PARP8: variants seen among roughly 807,000 people sequenced by gnomAD.
PARP8 encodes protein mono-ADP-ribosyltransferase PARP8.
PARP8 carries 51 observed loss-of-function variants against 124.1 expected under a neutral mutation model. The ratio of observed to expected loss-of-function variants is 0.41; its 90% CI spans 0.33 to 0.52. PARP8 has a LOEUF of 0.52. Ranked by LOEUF, PARP8 falls within the 20% of genes least tolerant of loss-of-function variation. PARP8 has a pLI of 0.21. For missense variants in PARP8, 860 were observed against 1,018.9 expected (o/e 0.84, Z 2.12); for synonymous variants, 391 against 361.5 (o/e 1.08, Z -0.93).
chr5:50,772,464 A>T (rs1761722045), intron 7 of PARP8, among the ~76,000 whole-genome samples: 2 of 152,096 alleles, frequency 1.3e-5, no homozygotes, highest in Admixed American at 1.3e-4. Flanking sequence ...TTACATTCCC[A>T]CCAGCAGTGC....
rs73101093 is a variant in PARP8 at position 50,780,905 on chromosome 5, G to A, written c.670+2255G>A. Among the ~76,000 whole-genome samples, 1,021 of 125,764 alleles carry A rather than the reference G, an allele frequency of 8.1e-3. 17 individuals carry two copies. Among genetic ancestry groups the A allele is most frequent in the African/African-American group, 0.03 (980 of 32,816 alleles). 82.5% of individuals were successfully genotyped at this position (125,764 alleles called of 152,430 possible). A position where few individuals can be genotyped will look rare whatever the true frequency, so the allele number is the denominator to read the frequency against. On this transcript the variant is annotated intron_variant, in intron 9 of 25. Transcript: ENST00000281631. ...GCAAGGAATCTGTTTTGATTTGTTTGTGTTTTGTTGTGTACTTTTTGGACT... is the reference window on the plus strand; with the variant it reads ...GCAAGGAATCTGTTTTGATTTGTTTATGTTTTGTTGTGTACTTTTTGGACT...
intron 25 of PARP8, among the ~76,000 whole-genome samples, chr5:50,840,535 T>G (rs1289085393): frequency 2.0e-5 from 3 of 152,002 alleles, no homozygotes; most frequent in Non-Finnish European, 4.4e-5. Context: ...TTGAATATAC[T>G]GAATTTGTGT....
At chr5:50,793,996 T>C (rs1397714657) in intron 10 of PARP8, among the ~76,000 whole-genome samples, 1 of 152,170 alleles carries the variant, frequency 6.6e-6, no homozygotes, top group Non-Finnish European at 1.5e-5. Context: ...TATCATTTAC[T>C]GTGATATAAC....
chr5:50,832,475 A>G lies in PARP8; in HGVS notation c.2234-306A>G, dbSNP rs145816417. On this transcript the variant is annotated intron_variant, in intron 22 of 25. Transcript: ENST00000281631. ...TATTTTCTCCTTCTCCTAGCCAGAT[A>G]GTGGGAATGAAAGTTAGGTTCTAAA... Among the ~76,000 whole-genome samples, 76 of 152,302 alleles carry G rather than the reference A, an allele frequency of 5.0e-4. No homozygotes were observed. In the East Asian group the frequency reaches 0.014, roughly 29 times the overall value.
At chr5:50,831,215 A>C (rs1161870041) in intron 22 of PARP8, among the ~76,000 whole-genome samples, 1 of 152,236 alleles carries the variant, frequency 6.6e-6, no homozygotes, top group African/African-American at 2.4e-5. Context: ...TAATTATTCA[A>C]GTAACTATTG....
intron 2 of PARP8, among the ~76,000 whole-genome samples, chr5:50,728,330 A>G (rs1756636078): frequency 6.6e-6 from 1 of 152,200 alleles, no homozygotes; most frequent in Non-Finnish European, 1.5e-5. Context: ...ACTTGAATTT[A>G]TCTGTGAATT....
intron 2 of PARP8, among the ~76,000 whole-genome samples, chr5:50,728,483 A>G (rs1301094564): frequency 6.6e-6 from 1 of 152,056 alleles, no homozygotes; most frequent in Non-Finnish European, 1.5e-5. Context: ...TTTGCAGTTT[A>G]TCAATCTGTC....
chr5:50,703,936 A>AT (rs1284266585), intron 2 of PARP8, among the ~76,000 whole-genome samples: 1 of 151,534 alleles, frequency 6.6e-6, no homozygotes, highest in Non-Finnish European at 1.5e-5. Flanking sequence ...AATTTTCCAT[A>AT]TTTAAACATG....
intron 2 of PARP8, among the ~76,000 whole-genome samples, chr5:50,684,219 A>G (rs1444184457): frequency 6.6e-6 from 1 of 151,904 alleles, no homozygotes; most frequent in Non-Finnish European, 1.5e-5. Flanking sequence ...AGAAATAAAG[A>G]CTCGACTTCT....
chr5:50,752,072 A>G (rs1453065257), intron 3 of PARP8, among the ~76,000 whole-genome samples: 2 of 152,070 alleles, frequency 1.3e-5, no homozygotes, highest in East Asian at 3.8e-4. Flanking sequence ...GCATGCTTCC[A>G]GTTGTTTTCA....
chr5:50,828,233 C>G (rs540145184), intron 20 of PARP8, 79 bp from the exon 21 acceptor site: 2 of 1,411,122 alleles, frequency 1.4e-6, no homozygotes, highest in Admixed American at 3.5e-5. Context: ...CAGAAGGCAC[C>G]ATGACTTATT....
At chr5:50,839,257 C>T (rs764537416) in intron 25 of PARP8, among the ~76,000 whole-genome samples, 2 of 151,796 alleles carry the variant, frequency 1.3e-5, no homozygotes, top group Non-Finnish European at 2.9e-5. Flanking sequence ...TAATTCTTGT[C>T]TCCTTTTAGA....
chr5:50,837,151 A>C lies in PARP8; in HGVS notation c.2462+2136A>C, dbSNP rs1162007274. Among the ~76,000 whole-genome samples, 3 of 152,294 alleles carry C rather than the reference A, an allele frequency of 2.0e-5. No homozygotes were observed. In the South Asian group the frequency reaches 6.2e-4, roughly 32 times the overall value. On this transcript the variant is annotated intron_variant, in intron 25 of 25. Coordinates refer to ENST00000281631, the MANE Select transcript of PARP8 (RefSeq NM_024615.4). ...GGTTAAATCATGTGAATAAAAGAGA[A>C]GTACACTCAGATACTTCCTAAATAA...
chr5:50,721,316 T>G (rs1755854944), intron 2 of PARP8, among the ~76,000 whole-genome samples: 1 of 152,058 alleles, frequency 6.6e-6, no homozygotes, highest in Non-Finnish European at 1.5e-5. Flanking sequence ...AGACTACAAT[T>G]TCATCCCCCA....
At chr5:50,811,883 C>G (rs1744492087) in intron 14 of PARP8, among the ~76,000 whole-genome samples, 1 of 152,160 alleles carries the variant, frequency 6.6e-6, no homozygotes, top group South Asian at 2.1e-4. Flanking sequence ...ATGATGATTT[C>G]CAGCTTCATC....
intron 14 of PARP8, among the ~76,000 whole-genome samples, chr5:50,799,723 G>A (rs1327687739): frequency 6.6e-6 from 1 of 152,162 alleles, no homozygotes; most frequent in Non-Finnish European, 1.5e-5. Context: ...CCCATGTGAT[G>A]GTGTTAGGAG....
chr5:50,707,636 AG>A (rs1754291421), intron 2 of PARP8, among the ~76,000 whole-genome samples: 1 of 143,814 alleles, frequency 7.0e-6, no homozygotes, highest in Non-Finnish European at 1.5e-5. Flanking sequence ...ACAGAGAGAG[AG>A]AGAGAGAGAG....
chr5:50,798,421 TTTG>T (rs1406298565), intron 14 of PARP8, among the ~76,000 whole-genome samples: 13 of 149,812 alleles, frequency 8.7e-5, no homozygotes, highest in African/African-American at 2.7e-4. Flanking sequence ...TTCTATTTTT[TTTG>T]TTTTTTTTTT....
intron 2 of PARP8, among the ~76,000 whole-genome samples, chr5:50,677,332 AGTT>A (rs1416441577): frequency 7.0e-6 from 1 of 143,828 alleles, no homozygotes; most frequent in African/African-American, 2.5e-5. Flanking sequence ...AAAAAAAAAA[AGTT>A]AGTCCCTCCA....
Sources: gnomAD v4.1 joint callset for allele counts (sites outside exome capture counted in the v4.1 genomes callset) on GRCh38, gnomAD v4.1.1 for gene constraint, MANE v1.5 for transcripts, NCBI Gene and HGNC (gene_info 2026-07-23, HGNC 2026-07-21) for gene names.